UNC79: variants seen among roughly 807,000 people sequenced by gnomAD.
The protein encoded by UNC79 is unc-79 subunit of NALCN channel complex.
A neutral mutation model predicts 283.1 loss-of-function variants in UNC79; 37 were observed. The observed-to-expected ratio is 0.13, with a 90% CI of 0.10 to 0.17. The LOEUF (loss-of-function observed/expected upper bound fraction) is 0.17. UNC79 is among the 10% of genes least tolerant of loss of function. UNC79 has a pLI of 1.00. For missense variants in UNC79, 2,272 were observed against 3,211.1 expected, an observed-to-expected ratio of 0.71 and a Z score of 7.07; for synonymous variants, 1,107 against 1,200.2, an observed-to-expected ratio of 0.92 and a Z score of 1.61.
chr14:93,496,647 G>A (rs1378389977), intron 6 of UNC79, among the ~76,000 whole-genome samples, 181 bp downstream of exon 6: 2 of 152,244 alleles, frequency 1.3e-5, no homozygotes, highest in Admixed American at 6.5e-5. Context: ...AGCAGAAATG[G>A]TACTTTAAGA....
rs60270149 is a variant in UNC79, at chr14:93,614,635, T to TAAA, written c.4041+1568_4041+1570dup. ...CGCCCGGCCACTGTTTGTGTGTGTT[T>TAAA]AAAAAAAAAAAAAAAAAATCCTCTT... is the stretch of plus-strand genomic sequence containing the variant. On this transcript the variant is annotated intron_variant, in intron 27 of 48. Transcript: ENST00000555664. Among the ~76,000 whole-genome samples the TAAA allele has an allele frequency of 2.3e-3, 323 of 138,936 alleles. 5 individuals carry two copies. Among genetic ancestry groups the TAAA allele is most frequent in the African/African-American group, 8.2e-3 (309 of 37,872 alleles). 91.1% of individuals were successfully genotyped at this position (138,936 alleles called of 152,430 possible). A position where few individuals can be genotyped will look rare whatever the true frequency, so the allele number is the denominator to read the frequency against.
intron 2 of UNC79, among the ~76,000 whole-genome samples, chr14:93,469,638 A>G (rs900316014): frequency 3.9e-5 from 6 of 152,156 alleles, no homozygotes; most frequent in African/African-American, 1.4e-4. Flanking sequence ...GTTAGCAACC[A>G]GAAGTCTCAA....
chr14:93,688,516 C>T lies in UNC79; in HGVS notation c.6910-149C>T. 2 of 839,560 alleles carry T rather than the reference C, an allele frequency of 2.4e-6. No homozygotes were observed. The highest frequency in any genetic ancestry group is 3.6e-6 in the Non-Finnish European group (2 of 560,622). The allele number at this position is 839,560 out of a possible 1,614,324, so 52.0% of individuals were successfully genotyped here. A position where few individuals can be genotyped will look rare whatever the true frequency, so the allele number is the denominator to read the frequency against. On this transcript the variant is annotated intron_variant, in intron 43 of 48. Coordinates refer to ENST00000555664, the Ensembl canonical transcript of UNC79. The surrounding 1 kb of genome is among the most constrained non-coding windows in gnomAD (Gnocchi z 4.0). ...ACTTTCCCTCCTTTTATCCTAAGAA[C>T]AATGGGAAGGCTCTGAAGAAGTTTA...
At chr14:93,683,258 TA>T (rs2073981462) in intron 42 of UNC79, among the ~76,000 whole-genome samples, 1 of 152,204 alleles carries the variant, frequency 6.6e-6, no homozygotes, top group African/African-American at 2.4e-5. Context: ...TCCTGATTAG[TA>T]GGGAAAGGGG....
intron 6 of UNC79, 102 bp from the exon 7 acceptor site, chr14:93,497,055 A>G: frequency 7.5e-7 from 1 of 1,333,230 alleles, no homozygotes; most frequent in South Asian, 1.4e-5. Flanking sequence ...TACTCACCTC[A>G]ATCCCTCCAT....
chr14:93,655,503 G>T, intron 38 of UNC79, 96 bp downstream of exon 41: 2 of 1,444,954 alleles, frequency 1.4e-6, no homozygotes, highest in Non-Finnish European at 9.4e-7. Context: ...TTAATGTATC[G>T]CAAAGGTTAA....
At chr14:93,338,123 T>C (rs2053620215) in intron 1 of UNC79, among the ~76,000 whole-genome samples, 1 of 151,932 alleles carries the variant, frequency 6.6e-6, no homozygotes, top group South Asian at 2.1e-4. Context: ...CCAGGCTGAG[T>C]GGGCAGAATG....
intron 23 of UNC79, among the ~76,000 whole-genome samples, chr14:93,596,869 G>A (rs1223851013): frequency 6.6e-6 from 1 of 152,098 alleles, no homozygotes; most frequent in Non-Finnish European, 1.5e-5. Context: ...ACCTGGCTTC[G>A]ATAGCCCCAG....
At chr14:93,371,594 A>G (rs2054448179) in intron 1 of UNC79, among the ~76,000 whole-genome samples, 1 of 152,016 alleles carries the variant, frequency 6.6e-6, no homozygotes, top group South Asian at 2.1e-4. Context: ...TAATCCCAGC[A>G]CTTTGGGAGG....
At chr14:93,626,769 A>G (rs1459199563) in intron 30 of UNC79, among the ~76,000 whole-genome samples, 1 of 152,194 alleles carries the variant, frequency 6.6e-6, no homozygotes, top group Non-Finnish European at 1.5e-5. Context: ...TTAATGTTTT[A>G]GTATAGAGTT....
At position 93,690,849 on chromosome 14, in the gene UNC79, G is replaced by T; in HGVS notation, c.7272+546G>T. ...GCTAAAGGAAGAAAGTAGACCCAAG[G>T]CAGGCACCAGTCATGAGCCTGTGCA... On this transcript the variant is annotated intron_variant, in intron 45 of 48. Coordinates refer to ENST00000555664, the Ensembl canonical transcript of UNC79. The surrounding 1 kb of genome is among the most constrained non-coding windows in gnomAD (Gnocchi z 4.3). 6.4e-6 allele frequency: 1 copy of T among 155,148 alleles called. No homozygotes were observed. The highest frequency in any genetic ancestry group is 1.4e-5 in the Non-Finnish European group (1 of 70,022). 9.6% of individuals were successfully genotyped at this position (155,148 alleles called of 1,614,324 possible).
At chr14:93,411,755 C>A (rs569547878) in intron 1 of UNC79, among the ~76,000 whole-genome samples, 524 of 152,358 alleles carry the variant, frequency 3.4e-3, no homozygotes, top group Non-Finnish European at 6.5e-3. Context: ...CCCTTTAATG[C>A]AGATACAGCT....
chr14:93,378,627 A>G (rs1305256952), intron 1 of UNC79, among the ~76,000 whole-genome samples: 1 of 152,220 alleles, frequency 6.6e-6, no homozygotes, highest in Non-Finnish European at 1.5e-5. Flanking sequence ...AATATTTCAA[A>G]TAATTTTATG....
chr14:93,620,523 G>T (rs150256239), intron 29 of UNC79, among the ~76,000 whole-genome samples: 1 of 151,986 alleles, frequency 6.6e-6, no homozygotes, highest in South Asian at 2.1e-4. Flanking sequence ...GAAAATCCAC[G>T]CAAAGCAGAC....
chr14:93,637,648 A>G (rs1214036067), intron 32 of UNC79, among the ~76,000 whole-genome samples: 1 of 152,070 alleles, frequency 6.6e-6, no homozygotes, highest in African/African-American at 2.4e-5. Flanking sequence ...AGTAGAGATG[A>G]GGTTTCACCA....
intron 11 of UNC79, among the ~76,000 whole-genome samples, chr14:93,534,392 CTT>C (rs2060971125): frequency 6.6e-6 from 1 of 152,150 alleles, no homozygotes; most frequent in South Asian, 2.1e-4. Flanking sequence ...AACTGCGTCT[CTT>C]TAGTTTTAGC....
chr14:93,666,345 C>T (rs892527061), intron 40 of UNC79, among the ~76,000 whole-genome samples: 1 of 152,050 alleles, frequency 6.6e-6, no homozygotes, highest in Admixed American at 6.6e-5. Context: ...ACTAGACTCA[C>T]TAGGGATTGT....
chr14:93,677,382 C>T (rs964543929), intron 41 of UNC79, among the ~76,000 whole-genome samples: 1 of 152,108 alleles, frequency 6.6e-6, no homozygotes, highest in Non-Finnish European at 1.5e-5. Flanking sequence ...ACAATCACGG[C>T]GAAGGTGATT....
chr14:93,439,779 C>T lies in UNC79; in HGVS notation c.22+8728C>T, dbSNP rs560545972. The stretch of plus-strand genomic sequence containing the variant: ...ACTTCTTTCTCTATTTGTTGTATGA[C>T]ACTTGTTCTATTTAGACTTTCTGTT... On this transcript the variant is annotated intron_variant, in intron 1 of 48. Transcript: ENST00000555664. Among the ~76,000 whole-genome samples the T allele has an allele frequency of 9.7e-4, 148 of 152,148 alleles. 1 individual carries two copies. Among genetic ancestry groups the T allele is most frequent in the African/African-American group, 3.3e-3 (139 of 41,522 alleles).
Sources: gnomAD v4.1 joint callset for allele counts (sites outside exome capture counted in the v4.1 genomes callset) on GRCh38, gnomAD v4.1.1 for gene constraint, Gnocchi (gnomAD v3.1) non-coding constraint, MANE v1.5 for transcripts, NCBI Gene and HGNC (gene_info 2026-07-23, HGNC 2026-07-21) for gene names.